Variants in ASB3 observed in about 807,000 individuals in gnomAD.
ASB3 encodes ankyrin repeat and SOCS box containing 3, also known as ankyrin repeat and SOCS box protein 3.
Under a neutral mutation model 54.5 loss-of-function variants are expected in ASB3, and 41 were observed. The observed-to-expected ratio is 0.75, with a 90% CI of 0.59 to 0.98. The LOEUF is 0.98. Among genes scored for constraint, ASB3 ranks in the 50% least tolerant of loss-of-function variants. The pLI is 0.00. For synonymous variants in ASB3, 266 were observed against 221.2 expected, an observed-to-expected ratio of 1.20 and a Z score of -1.80; for missense variants, 733 against 620.0, an observed-to-expected ratio of 1.18 and a Z score of -1.94.
chr2:53,761,942 G>T lies in ASB3; in HGVS notation c.196+3435C>A, dbSNP rs145275282. On this transcript the variant is annotated intron_variant, in intron 2 of 9. Transcript: ENST00000263634. ...ACAAAATATCTATCAATAGAAGAAT[G>T]GTTACATAAATTACATTACATCTCT... Among the ~76,000 whole-genome samples the T allele has an allele frequency of 7.5e-3, 1,135 of 152,248 alleles. 11 individuals are homozygous for T. The highest frequency in any genetic ancestry group is 0.024 in the African/African-American group (1,005 of 41,546).
chr2:53,742,467 A>G (rs1031050488), intron 3 of ASB3, among the ~76,000 whole-genome samples: 1 of 152,230 alleles, frequency 6.6e-6, no homozygotes, highest in African/African-American at 2.4e-5. Flanking sequence ...CTCATCTGAA[A>G]AATATTACCA....
chr2:53,768,738 A>C (rs1273763126), intron 1 of ASB3, among the ~76,000 whole-genome samples: 2 of 152,230 alleles, frequency 1.3e-5, no homozygotes, highest in Non-Finnish European at 2.9e-5. Context: ...AAGTTCATTG[A>C]TTCACTTTTC....
At chr2:53,784,238 T>G (rs1176875453) in intron 1 of ASB3, among the ~76,000 whole-genome samples, 1 of 152,176 alleles carries the variant, frequency 6.6e-6, no homozygotes, top group Non-Finnish European at 1.5e-5. Context: ...ATAAAAGACT[T>G]GTACTGATTG....
intron 7 of ASB3, among the ~76,000 whole-genome samples, chr2:53,702,255 T>TA (rs1476999245): frequency 6.6e-6 from 1 of 152,116 alleles, no homozygotes; most frequent in Non-Finnish European, 1.5e-5. Context: ...AAGAATAAAA[T>TA]AAACACAAAA....
intron 3 of ASB3, among the ~76,000 whole-genome samples, chr2:53,736,786 G>C (rs1416730778): frequency 6.6e-6 from 1 of 151,600 alleles, no homozygotes; most frequent in East Asian, 2.0e-4. Context: ...CAGATCACCT[G>C]AGGTCAGGAA....
chr2:53,686,447 A>G (rs929125555), intron 9 of ASB3, among the ~76,000 whole-genome samples: 3 of 152,098 alleles, frequency 2.0e-5, no homozygotes, highest in Non-Finnish European at 4.4e-5. Flanking sequence ...TTTCATGTTC[A>G]AGGGAGCTGT....
chr2:53,689,318 C>A (rs1668789732), intron 9 of ASB3, among the ~76,000 whole-genome samples: 1 of 152,146 alleles, frequency 6.6e-6, no homozygotes, highest in Non-Finnish European at 1.5e-5. Context: ...TAAAATTTTT[C>A]TTTGGCATAA....
chr2:53,751,338 T>C (rs1461085749), intron 2 of ASB3, among the ~76,000 whole-genome samples: 1 of 152,174 alleles, frequency 6.6e-6, no homozygotes, highest in Non-Finnish European at 1.5e-5. Flanking sequence ...ATAAGGGAAA[T>C]GGTCTGATCT....
intron 5 of ASB3, among the ~76,000 whole-genome samples, chr2:53,718,945 T>C (rs1670547088): frequency 6.6e-6 from 1 of 152,084 alleles, no homozygotes; most frequent in African/African-American, 2.4e-5. Context: ...TTTTTGAGAC[T>C]GAGTCTCGCC....
chr2:53,681,526 G>T (rs1338455114), intron 9 of ASB3, among the ~76,000 whole-genome samples: 1 of 152,100 alleles, frequency 6.6e-6, no homozygotes, highest in Non-Finnish European at 1.5e-5. Context: ...ATTTTTATTT[G>T]ATTTTTGTAT....
At chr2:53,757,840 C>T (rs1672921034) in intron 2 of ASB3, among the ~76,000 whole-genome samples, 1 of 152,202 alleles carries the variant, frequency 6.6e-6, no homozygotes, top group African/African-American at 2.4e-5. Context: ...AGATGCTCTC[C>T]TCCCCTGATT....
intron 9 of ASB3, among the ~76,000 whole-genome samples, chr2:53,680,538 C>T (rs1668315343): frequency 6.6e-6 from 1 of 151,990 alleles, no homozygotes; most frequent in African/African-American, 2.4e-5. Flanking sequence ...GGATGTGTGT[C>T]TTCTTTTTAA....
intron 2 of ASB3, among the ~76,000 whole-genome samples, chr2:53,759,252 G>T (rs566565189): frequency 5.1e-4 from 78 of 152,298 alleles, no homozygotes; most frequent in African/African-American, 1.7e-3. Context: ...GCTAACTTGC[G>T]TGCAAGAAGG....
At chr2:53,768,026 G>A (rs775957162) in intron 1 of ASB3, 8 of 1,612,794 alleles carry the variant, frequency 5.0e-6, no homozygotes, top group Non-Finnish European at 5.1e-6. Context: ...GGCAAGGTGA[G>A]GCGCCGGTCA....
At chr2:53,731,084 A>T (rs538277039) in intron 3 of ASB3, among the ~76,000 whole-genome samples, 11 of 152,314 alleles carry the variant, frequency 7.2e-5, no homozygotes, top group African/African-American at 2.6e-4. Context: ...TATTTCCCCT[A>T]TAAGACACTC....
intron 3 of ASB3, among the ~76,000 whole-genome samples, chr2:53,733,833 G>A (rs1671463116): frequency 6.6e-6 from 1 of 152,180 alleles, no homozygotes; most frequent in Non-Finnish European, 1.5e-5. Flanking sequence ...CTTTGGAGCT[G>A]AAAGCCTTGA....
At position 53,714,578 on chromosome 2, in the gene ASB3, G is replaced by C; in HGVS notation, c.786C>G (p.Ile262Met). 1 of 1,613,632 alleles carries C rather than the reference G, an allele frequency of 6.2e-7. No individual in the cohort carries two copies. Among genetic ancestry groups the C allele is most frequent in the South Asian group, 1.1e-5 (1 of 90,936 alleles). ...TAGTAAGTGGTATTAACAAGTCCAA[G>C]ATTCTATAAATACACAAATTCAGGA... ...HAAAQMGHTKILDLLIPLTNR... is the reference protein window; with the variant it reads ...HAAAQMGHTKMLDLLIPLTNR... The change falls in exon 7 of 10, where the codon ATC becomes ATG. Residue 262 changes from isoleucine to methionine, a missense_variant. By Grantham distance (10) the Ile-to-Met change is conservative (BLOSUM62 1). Coordinates refer to ENST00000263634, the MANE Select transcript of ASB3 (RefSeq NM_016115.5).
At chr2:53,782,593 T>A (rs1271542487) in intron 1 of ASB3, among the ~76,000 whole-genome samples, 1 of 152,200 alleles carries the variant, frequency 6.6e-6, no homozygotes, top group Admixed American at 6.5e-5. Flanking sequence ...TCTATTTTGT[T>A]GTTATTGCTC....
At chr2:53,759,015 T>C (rs993156011) in intron 2 of ASB3, among the ~76,000 whole-genome samples, 7 of 152,212 alleles carry the variant, frequency 4.6e-5, no homozygotes, top group East Asian at 1.9e-4. Flanking sequence ...TTATCGGACA[T>C]AGACAGATAT....
Sources: allele counts gnomAD v4.1 joint callset (sites outside exome capture counted in the v4.1 genomes callset), GRCh38; gene constraint gnomAD v4.1.1; transcripts MANE v1.5; gene names NCBI Gene and HGNC (gene_info 2026-07-23, HGNC 2026-07-21).